Variants in RAD52 observed in about 807,000 individuals in gnomAD.
The protein encoded by RAD52 is DNA repair protein RAD52 homolog.
Under a neutral mutation model 55.5 loss-of-function variants are expected in RAD52, and 47 were observed. The observed-to-expected ratio is 0.85, with a 90% CI of 0.67 to 1.08. The LOEUF (loss-of-function observed/expected upper bound fraction) is 1.08, where lower values mean the gene tolerates loss of function less well. RAD52 is among the 50% of genes least tolerant of loss of function. The probability of loss-of-function intolerance (pLI) is 0.00; values close to 1 mark genes in which losing one functional copy is unlikely to be tolerated. For missense variants in RAD52, 468 were observed against 522.8 expected, an observed-to-expected ratio of 0.90 and a Z score of 1.02; for synonymous variants, 184 against 198.9, an observed-to-expected ratio of 0.92 and a Z score of 0.63.
chr12:954,559 G>T (rs1202080956), upstream of RAD52, among the ~76,000 whole-genome samples: 1 of 152,128 alleles, frequency 6.6e-6, no homozygotes, highest in East Asian at 1.9e-4. Context: ...GCTTGAACCC[G>T]GGTGGTGGAG....
At chr12:960,412 T>A (rs1344342467) in intron 1 of RAD52, among the ~76,000 whole-genome samples, 1 of 152,144 alleles carries the variant, frequency 6.6e-6, no homozygotes, top group Admixed American at 6.5e-5. Context: ...TAAATGTTGG[T>A]GTTATTTACT....
intron 10 of RAD52, 36 bp from the exon 11 acceptor site, chr12:914,157 T>C (rs1956234869): frequency 6.4e-7 from 1 of 1,561,436 alleles, no homozygotes. Context: ...CATCAGCAAA[T>C]AATGAAGTAT....
At chr12:981,949 T>C (rs1057475312) in intron 1 of RAD52, among the ~76,000 whole-genome samples, 25 of 152,140 alleles carry the variant, frequency 1.6e-4, no homozygotes, top group Admixed American at 1.1e-3. Context: ...GTTGGCCCTA[T>C]TGGTCCTGGG....
chr12:912,752 A>AAAAAAAAAAG lies in RAD52; in HGVS notation c.*638_*639insCTTTTTTTTT, dbSNP rs1956166414. 1 of 171,326 alleles carries AAAAAAAAAAG rather than the reference A, an allele frequency of 5.8e-6. No homozygotes were observed. Among genetic ancestry groups the AAAAAAAAAAG allele is most frequent in the Non-Finnish European group, 1.2e-5 (1 of 80,570 alleles). 10.6% of individuals were successfully genotyped at this position (171,326 alleles called of 1,614,324 possible). On this transcript the variant is annotated 3_prime_UTR_variant, in exon 12 of 12. Coordinates refer to ENST00000358495, the MANE Select transcript of RAD52 (RefSeq NM_134424.4). ...AAAAAAAAAAAAAAAAAAACAAAAAACAGCCTTTTTTCGTGGTCTTAGATG... is the reference window on the plus strand; with the variant it reads ...AAAAAAAAAAAAAAAAAAACAAAAAAAAAAAAAAAGCAGCCTTTTTTCGTGGTCTTAGATG...
At chr12:926,940 G>A (rs990625916) in intron 6 of RAD52, 2 of 1,539,258 alleles carry the variant, frequency 1.3e-6, no homozygotes, top group Admixed American at 3.9e-5. Context: ...CTCCCAGCAA[G>A]GGAAGCCTGA....
At chr12:942,738 ACT>A (rs1470773889) in intron 1 of RAD52, among the ~76,000 whole-genome samples, 1 of 150,130 alleles carries the variant, frequency 6.7e-6, no homozygotes, top group African/African-American at 2.5e-5. Context: ...ACAGAGCAAG[ACT>A]CTGTCTCAAA....
intron 2 of RAD52, among the ~76,000 whole-genome samples, chr12:932,150 G>A (rs897337448): frequency 9.9e-5 from 15 of 152,164 alleles, no homozygotes; most frequent in Non-Finnish European, 1.5e-4. Flanking sequence ...GAGGTCAGGA[G>A]TTCAAGACTA....
chr12:965,705 A>G (rs1958751451), intron 1 of RAD52, among the ~76,000 whole-genome samples: 1 of 151,790 alleles, frequency 6.6e-6, no homozygotes, highest in Non-Finnish European at 1.5e-5. Context: ...TTTTTTTTCA[A>G]GACAGAGTCT....
chr12:949,993 A>C (rs1958479191), upstream of RAD52, among the ~76,000 whole-genome samples: 1 of 152,120 alleles, frequency 6.6e-6, no homozygotes, highest in African/African-American at 2.4e-5. Flanking sequence ...CGGTTTCGTC[A>C]GGCCTTCAGC....
At chr12:930,189 A>G in intron 3 of RAD52, 45 bp from the exon 4 acceptor site, 1 of 1,408,626 alleles carries the variant, frequency 7.1e-7, no homozygotes. Flanking sequence ...TTAATTCCTT[A>G]CCACACTTAA....
intron 7 of RAD52, among the ~76,000 whole-genome samples, chr12:917,770 C>CAAAAAAAA (rs71055103): frequency 1.9e-5 from 2 of 107,346 alleles, no homozygotes; most frequent in African/African-American, 3.8e-5. Context: ...ACTAAAAATA[C>CAAAAAAAA]AAAAAAAAAA....
At position 927,329 on chromosome 12, in the gene RAD52, C is replaced by G. The variant is rs1957092613; in HGVS notation, c.349-66G>C. On this transcript the variant is annotated intron_variant, in intron 5 of 11. Coordinates refer to ENST00000358495, the MANE Select transcript of RAD52 (RefSeq NM_134424.4). ...GCAGGCGTGCCACAACTCCCCTGTT[C>G]CTCAAGCAGCAGGGTTCAAAGCCGG... 12 of 1,170,248 alleles carry G rather than the reference C, an allele frequency of 1.0e-5. No homozygotes were observed. The South Asian group carries it at 1.2e-4, about 12-fold the overall frequency. The allele number at this position is 1,170,248 out of a possible 1,614,324, so 72.5% of individuals were successfully genotyped here.
At chr12:948,289 T>C (rs930446634) in intron 1 of RAD52, among the ~76,000 whole-genome samples, 1 of 152,120 alleles carries the variant, frequency 6.6e-6, no homozygotes, top group Non-Finnish European at 1.5e-5. Context: ...ATAATGGGTG[T>C]CTGCTAATGG....
intron 7 of RAD52, 118 bp from the exon 8 acceptor site, chr12:916,938 C>A: frequency 7.4e-7 from 1 of 1,352,124 alleles, no homozygotes; most frequent in Non-Finnish European, 9.9e-7. Flanking sequence ...ATCCATCACG[C>A]CTTCTAGGTC....
intron 10 of RAD52, 24 bp from the exon 11 acceptor site, chr12:914,145 G>T: frequency 6.3e-7 from 1 of 1,582,664 alleles, no homozygotes; most frequent in Non-Finnish European, 8.7e-7. Flanking sequence ...GGAAAAGTGC[G>T]TCATCAGCAA....
intron 1 of RAD52, among the ~76,000 whole-genome samples, chr12:970,555 G>A (rs1958832299): frequency 6.6e-6 from 1 of 152,084 alleles, no homozygotes; most frequent in Non-Finnish European, 1.5e-5. Context: ...CAGTTTGAAA[G>A]TTTGGCCTAT....
upstream of RAD52, chr12:990,506 A>G (rs1959171018): frequency 6.6e-6 from 1 of 152,228 alleles, no homozygotes; most frequent in Non-Finnish European, 1.5e-5. Context: ...GGCACAGCGC[A>G]GGGTCGGAAC....
chr12:941,581 T>C (rs1957922976), intron 1 of RAD52, among the ~76,000 whole-genome samples: 1 of 150,056 alleles, frequency 6.7e-6, no homozygotes, highest in African/African-American at 2.5e-5. Context: ...GCCTCCCAAA[T>C]TGCTGGGATT....
chr12:930,186 C>T, intron 3 of RAD52, 42 bp from the exon 4 acceptor site: 1 of 1,387,146 alleles, frequency 7.2e-7, no homozygotes, highest in Non-Finnish European at 1.0e-6. Context: ...GTGTTAATTC[C>T]TTACCACACT....
Sources: gnomAD v4.1 joint callset for allele counts (sites outside exome capture counted in the v4.1 genomes callset) on GRCh38, gnomAD v4.1.1 for gene constraint, MANE v1.5 for transcripts, NCBI Gene and HGNC (gene_info 2026-07-23, HGNC 2026-07-21) for gene names.